MAPKAP1: variants seen among roughly 807,000 people sequenced by gnomAD.
MAPKAP1 encodes the protein target of rapamycin complex 2 subunit MAPKAP1.
Under a neutral mutation model 65.7 loss-of-function variants are expected in MAPKAP1, and 20 were observed. The observed-to-expected ratio is 0.30, with a 90% confidence interval of 0.21 to 0.44. The LOEUF is 0.44. Among genes scored for constraint, MAPKAP1 ranks in the 20% least tolerant of loss-of-function variants. MAPKAP1 has a pLI of 1.00. For synonymous variants in MAPKAP1, 222 were observed against 244.3 expected (o/e 0.91, Z 0.85); for missense variants, 423 against 648.0 (o/e 0.65, Z 3.77).
chr9:125,473,611 A>G (rs1472588200), intron 9 of MAPKAP1, among the ~76,000 whole-genome samples: 1 of 152,204 alleles, frequency 6.6e-6, no homozygotes, highest in Non-Finnish European at 1.5e-5. Context: ...AGTTATCACA[A>G]GGAGACCCTT....
chr9:125,515,782 C>G (rs928590671), intron 7 of MAPKAP1, among the ~76,000 whole-genome samples: 1 of 152,176 alleles, frequency 6.6e-6, no homozygotes. Context: ...GTGCAATAAA[C>G]AAAGCCCAGC....
intron 3 of MAPKAP1, among the ~76,000 whole-genome samples, chr9:125,658,125 TA>T (rs746084360): frequency 0.022 from 3,283 of 152,244 alleles, 46 homozygotes; most frequent in South Asian, 0.04. Context: ...AACGGCAAGC[TA>T]TGTGACAGTA....
intron 4 of MAPKAP1, among the ~76,000 whole-genome samples, chr9:125,590,721 G>A (rs913228334): frequency 6.6e-6 from 1 of 152,024 alleles, no homozygotes; most frequent in Admixed American, 6.5e-5. Flanking sequence ...TCTGCTAAAT[G>A]TTTGCCTAAT....
intron 4 of MAPKAP1, among the ~76,000 whole-genome samples, chr9:125,628,315 C>T (rs1307334403): frequency 6.6e-6 from 1 of 152,098 alleles, no homozygotes; most frequent in African/African-American, 2.4e-5. Flanking sequence ...GAAGACAGGG[C>T]AGGTGACAAG....
intron 4 of MAPKAP1, among the ~76,000 whole-genome samples, chr9:125,642,166 C>T (rs1450006881): frequency 6.6e-6 from 1 of 151,336 alleles, no homozygotes; most frequent in Non-Finnish European, 1.5e-5. Context: ...GATCACATCC[C>T]TGCACTCCAG....
At chr9:125,553,000 ATATATC>A (rs1351479235) in intron 6 of MAPKAP1, among the ~76,000 whole-genome samples, 5 of 152,198 alleles carry the variant, frequency 3.3e-5, no homozygotes, top group East Asian at 1.9e-4. Flanking sequence ...GTGTAGCTAT[ATATATC>A]TATATGTGCT....
chr9:125,446,244 C>G (rs1255942597), intron 10 of MAPKAP1, among the ~76,000 whole-genome samples: 1 of 152,076 alleles, frequency 6.6e-6, no homozygotes, highest in Non-Finnish European at 1.5e-5. Flanking sequence ...GTATTTTATC[C>G]TGGAAACATC....
chr9:125,503,751 C>G (rs778806606), intron 8 of MAPKAP1, among the ~76,000 whole-genome samples: 16 of 151,616 alleles, frequency 1.1e-4, no homozygotes, highest in Non-Finnish European at 1.6e-4. Flanking sequence ...GAATCTCACT[C>G]TGTCACCCAG....
chr9:125,470,158 T>TA (rs1853849759), intron 9 of MAPKAP1, among the ~76,000 whole-genome samples: 1 of 152,252 alleles, frequency 6.6e-6, no homozygotes, highest in Admixed American at 6.5e-5. Context: ...ACTGTTAATG[T>TA]ACCTTGTTAA....
At chr9:125,584,502 G>A (rs113269769) in intron 5 of MAPKAP1, among the ~76,000 whole-genome samples, 3 of 152,108 alleles carry the variant, frequency 2.0e-5, no homozygotes, top group Non-Finnish European at 4.4e-5. Context: ...GCAGTGGCGC[G>A]ATCTCGGTTC....
At chr9:125,479,580 CAAAAAA>C (rs1173012841) in intron 9 of MAPKAP1, among the ~76,000 whole-genome samples, 1 of 114,292 alleles carries the variant, frequency 8.7e-6, no homozygotes, top group Non-Finnish European at 1.8e-5. Flanking sequence ...AACTCCATCT[CAAAAAA>C]AAAAAAAAAA....
At chr9:125,596,481 T>C (rs1832129859) in intron 4 of MAPKAP1, 1 of 748,850 alleles carries the variant, frequency 1.3e-6, no homozygotes, top group Middle Eastern at 3.7e-4. Context: ...AGTCTTCAAA[T>C]TTTGAACCCA....
In MAPKAP1 at chr9:125,596,240, C is replaced by T. The variant is rs184171757; in HGVS notation, c.499-10513G>A. On this transcript the variant is annotated intron_variant, in intron 4 of 11. Transcript: ENST00000265960. ...AAGAGATGGCTAATACTTCATCCAG[C>T]GAAAGAGGTCGAAGTGGTTCTGGAA... is the stretch of plus-strand genomic sequence containing the variant. 9.0e-5 allele frequency: 69 copies of T among 763,306 alleles called. No homozygotes were observed. The Middle Eastern group carries it at 1.1e-3, about 12-fold the overall frequency. The allele number at this position is 763,306 out of a possible 1,614,324, so 47.3% of individuals were successfully genotyped here.
intron 4 of MAPKAP1, among the ~76,000 whole-genome samples, chr9:125,648,801 C>T (rs575367598): frequency 6.6e-6 from 1 of 152,028 alleles, no homozygotes; most frequent in Non-Finnish European, 1.5e-5. Flanking sequence ...ATTAGCTGGG[C>T]GTGGTGGCAC....
chr9:125,571,077 T>C (rs1831215252), intron 5 of MAPKAP1, among the ~76,000 whole-genome samples: 1 of 152,220 alleles, frequency 6.6e-6, no homozygotes. Context: ...GCTTATTTGG[T>C]ATAAAAATCA....
intron 9 of MAPKAP1, among the ~76,000 whole-genome samples, chr9:125,483,001 C>T (rs1462504673): frequency 1.3e-5 from 2 of 152,118 alleles, no homozygotes; most frequent in South Asian, 2.1e-4. Flanking sequence ...CATCATTTGC[C>T]GGTGGTGATA....
At chr9:125,680,795 G>A (rs1367702631) in intron 1 of MAPKAP1, among the ~76,000 whole-genome samples, 1 of 151,986 alleles carries the variant, frequency 6.6e-6, no homozygotes, top group African/African-American at 2.4e-5. Flanking sequence ...CATATACATA[G>A]GGAACAATAA....
intron 8 of MAPKAP1, among the ~76,000 whole-genome samples, chr9:125,490,686 T>C (rs1854676254): frequency 6.6e-6 from 1 of 152,202 alleles, no homozygotes; most frequent in Non-Finnish European, 1.5e-5. Flanking sequence ...CAACAACATA[T>C]CTGTGTCAGG....
At chr9:125,576,905 A>G (rs1044453392) in intron 5 of MAPKAP1, among the ~76,000 whole-genome samples, 13 of 151,976 alleles carry the variant, frequency 8.6e-5, no homozygotes, top group African/African-American at 2.7e-4. Flanking sequence ...TTGGCCTCCC[A>G]AAGTGCCGAG....
Sources: gnomAD v4.1 joint callset for allele counts (sites outside exome capture counted in the v4.1 genomes callset) on GRCh38, gnomAD v4.1.1 for gene constraint, MANE v1.5 for transcripts, NCBI Gene and HGNC (gene_info 2026-07-23, HGNC 2026-07-21) for gene names.